SMAD1: variants seen among roughly 807,000 people sequenced by gnomAD.
SMAD1 encodes the protein MAD, mothers against decapentaplegic homolog 1.
SMAD1 carries 6 observed loss-of-function variants against 41.6 expected under a neutral mutation model. That is an observed-to-expected ratio of 0.14 (90% confidence interval 0.08 to 0.28). SMAD1 has a LOEUF of 0.28. Among genes scored for constraint, SMAD1 ranks in the 10% least tolerant of loss-of-function variants. SMAD1 has a pLI of 1.00. For synonymous variants in SMAD1, 206 were observed against 203.2 expected (o/e 1.01, Z -0.12); for missense variants, 379 against 582.6 (o/e 0.65, Z 3.60).
intron 1 of SMAD1, among the ~76,000 whole-genome samples, chr4:145,498,766 T>C (rs1387511427): frequency 6.6e-6 from 1 of 152,264 alleles, no homozygotes; most frequent in African/African-American, 2.4e-5. Flanking sequence ...TTTCTTTTCA[T>C]GGTAGTATTG....
chr4:145,526,699 C>G (rs1731034586), intron 2 of SMAD1, among the ~76,000 whole-genome samples: 2 of 152,078 alleles, frequency 1.3e-5, no homozygotes, highest in Admixed American at 1.3e-4. Context: ...GGAAAAGGCT[C>G]TTGCTCACAG....
chr4:145,529,950 A>G (rs1731230795), intron 2 of SMAD1, among the ~76,000 whole-genome samples: 1 of 152,182 alleles, frequency 6.6e-6, no homozygotes, highest in African/African-American at 2.4e-5. Context: ...TTCAGGTGCA[A>G]AGAGTCTGAG....
chr4:145,546,683 T>A lies in SMAD1; in HGVS notation c.776-20T>A. The A allele has an allele frequency of 6.3e-7, 1 of 1,584,680 alleles. No individual in the cohort carries two copies. The highest frequency in any genetic ancestry group is 8.7e-7 in the Non-Finnish European group (1 of 1,154,770). On this transcript the variant is annotated intron_variant, in intron 4 of 6. Coordinates refer to ENST00000302085, the MANE Select transcript of SMAD1 (RefSeq NM_005900.3). ...CCTGAGGCACTAACCTTGGTTGATA[T>A]AACATTTTCTTTCCTCTAGATGTTC... is the stretch of plus-strand genomic sequence containing the variant.
At chr4:145,527,568 A>G (rs1433110897) in intron 2 of SMAD1, among the ~76,000 whole-genome samples, 7 of 152,076 alleles carry the variant, frequency 4.6e-5, no homozygotes, top group Admixed American at 6.6e-5. Flanking sequence ...GATGGTACCA[A>G]TGTGGCTACT....
chr4:145,539,961 C>G lies in SMAD1; in HGVS notation c.558C>G (p.His186Gln), dbSNP rs749074021. 4.3e-6 allele frequency: 7 copies of G among 1,613,986 alleles called. No individual in the cohort carries two copies. The South Asian group carries it at 7.7e-5, about 18-fold the overall frequency. ...FQQPNSHPFP[H>Q]SPNSSYPNSP... is the part of the protein sequence containing the mutation. Reference sequence around the variant, plus strand: ...AACCCAACAGCCACCCGTTTCCTCACTCTCCCAATAGCAGTTACCCAAACT... The same window carrying G: ...AACCCAACAGCCACCCGTTTCCTCAGTCTCCCAATAGCAGTTACCCAAACT... The change falls in exon 3 of 7, where the codon CAC (histidine) becomes CAG (glutamine). Residue 186 changes from histidine (H) to glutamine (Q), a missense_variant. Physicochemically the swap from His to Gln is conservative, Grantham distance 24. Transcript: ENST00000302085.
upstream of SMAD1, chr4:145,481,146 T>C (rs1417875244): frequency 6.6e-6 from 1 of 152,030 alleles, no homozygotes; most frequent in Non-Finnish European, 1.5e-5. Context: ...CTGTAGAAAT[T>C]GGACCAAAAA....
chr4:145,513,550 T>A lies in SMAD1; in HGVS notation c.-176-888T>A, dbSNP rs192603515. ...CAACATTTTTAAAGCAGGAGATGTA[T>A]TTCCTATCCTATTTGTCCTGTAGCC... On this transcript the variant is annotated intron_variant, in intron 1 of 6. Transcript: ENST00000302085. Among the ~76,000 whole-genome samples, 644 of 152,120 alleles carry A rather than the reference T, an allele frequency of 4.2e-3. 4 individuals are homozygous for A. Among genetic ancestry groups the A allele is most frequent in the African/African-American group, 0.015 (629 of 41,372 alleles).
chr4:145,519,831 C>T (rs1219918769), intron 2 of SMAD1, among the ~76,000 whole-genome samples: 1 of 152,148 alleles, frequency 6.6e-6, no homozygotes, highest in Admixed American at 6.5e-5. Context: ...TGATAACCAC[C>T]ATTCTAATTC....
At chr4:145,491,011 G>T (rs1728741117) in intron 1 of SMAD1, among the ~76,000 whole-genome samples, 1 of 152,172 alleles carries the variant, frequency 6.6e-6, no homozygotes, top group Admixed American at 6.5e-5. Flanking sequence ...TTTGATTTAT[G>T]CCACTGGGGG....
intron 1 of SMAD1, among the ~76,000 whole-genome samples, chr4:145,506,689 T>TA (rs375810018): frequency 0.017 from 2,641 of 151,542 alleles, 65 homozygotes; most frequent in African/African-American, 0.06. Flanking sequence ...TTAGGGTAAT[T>TA]AAAAAAAAAC....
At chr4:145,495,450 G>C (rs2126948656) in intron 1 of SMAD1, among the ~76,000 whole-genome samples, 1 of 152,160 alleles carries the variant, frequency 6.6e-6, no homozygotes, top group African/African-American at 2.4e-5. Context: ...TCTTATCTAT[G>C]TTAAAATATA....
At position 145,540,303 on chromosome 4, in the gene SMAD1, A is replaced by G. The variant is rs535549313; in HGVS notation, c.658+242A>G. On this transcript the variant is annotated intron_variant, in intron 3 of 6. Coordinates refer to ENST00000302085, the MANE Select transcript of SMAD1 (RefSeq NM_005900.3). ...TAAGCTATATTTTCCCCTTGTTTTTAAAAGGTTTTGAAACAGCTGCATCCT... is the reference window on the plus strand; with the variant it reads ...TAAGCTATATTTTCCCCTTGTTTTTGAAAGGTTTTGAAACAGCTGCATCCT... Among the ~76,000 whole-genome samples the G allele has an allele frequency of 7.9e-5, 12 of 152,354 alleles. No homozygotes were observed. In the South Asian group the frequency reaches 2.5e-3, roughly 32 times the overall value.
At chr4:145,555,075 TTG>T (rs1472680717) in intron 6 of SMAD1, among the ~76,000 whole-genome samples, 2 of 152,194 alleles carry the variant, frequency 1.3e-5, no homozygotes, top group Non-Finnish European at 2.9e-5. Flanking sequence ...GTGTTTGTTT[TTG>T]TGTGTTTGTT....
chr4:145,483,817 A>G (rs908700548), intron 1 of SMAD1, among the ~76,000 whole-genome samples: 1 of 152,124 alleles, frequency 6.6e-6, no homozygotes, highest in African/African-American at 2.4e-5. Context: ...TCCTTGATTT[A>G]GTTTTGACCC....
chr4:145,488,291 G>A (rs1728589288), intron 1 of SMAD1, among the ~76,000 whole-genome samples: 2 of 152,086 alleles, frequency 1.3e-5, no homozygotes, highest in African/African-American at 4.8e-5. Flanking sequence ...TCCTGTTTGG[G>A]AAGAGGAGGA....
intron 2 of SMAD1, among the ~76,000 whole-genome samples, chr4:145,526,258 A>C (rs1731011823): frequency 1.3e-5 from 2 of 152,220 alleles, no homozygotes; most frequent in African/African-American, 2.4e-5. Flanking sequence ...TATAAATAAC[A>C]GAGTGAAATT....
chr4:145,537,898 C>T (rs980463704), intron 2 of SMAD1, among the ~76,000 whole-genome samples: 2 of 152,178 alleles, frequency 1.3e-5, no homozygotes, highest in East Asian at 1.9e-4. Context: ...AAAGTTGCTG[C>T]AGTTTTTGCC....
intron 2 of SMAD1, among the ~76,000 whole-genome samples, chr4:145,529,899 G>A (rs1328586075): frequency 6.6e-6 from 1 of 152,168 alleles, no homozygotes; most frequent in Non-Finnish European, 1.5e-5. Context: ...GTTATATCTG[G>A]GATGAGGTAT....
chr4:145,512,331 C>G (rs1468437113), intron 1 of SMAD1, among the ~76,000 whole-genome samples: 1 of 152,142 alleles, frequency 6.6e-6, no homozygotes, highest in East Asian at 1.9e-4. Context: ...AAAAATATTG[C>G]TCTGTTACAG....
Sources: allele counts gnomAD v4.1 joint callset (sites outside exome capture counted in the v4.1 genomes callset), GRCh38; gene constraint gnomAD v4.1.1; transcripts MANE v1.5; gene names NCBI Gene and HGNC (gene_info 2026-07-23, HGNC 2026-07-21).